The following NR1H4 variants were observed in gnomAD, a reference collection of about 807,000 sequenced individuals.
The protein encoded by NR1H4 is nuclear receptor subfamily 1 group H member 4.
A neutral mutation model predicts 58.5 loss-of-function variants in NR1H4; 23 were observed. The ratio of observed to expected loss-of-function variants is 0.39; its 90% CI spans 0.28 to 0.56. The LOEUF (loss-of-function observed/expected upper bound fraction) is 0.56. NR1H4 is among the 20% of genes least tolerant of loss of function. NR1H4 has a pLI of 0.58. For missense variants in NR1H4, 487 were observed against 576.9 expected, an observed-to-expected ratio of 0.84 and a Z score of 1.60; for synonymous variants, 214 against 198.0, an observed-to-expected ratio of 1.08 and a Z score of -0.68.
chr12:100,543,943 C>T lies in NR1H4; in HGVS notation c.1078+3125C>T, dbSNP rs192511215. ...TGATTCTGGCTTCCATGGACTGTGG[C>T]GGTGCTCCCTTTAAGAAAATCCCAG... On this transcript the variant is annotated intron_variant, in intron 9 of 10. Transcript: ENST00000392986. Among the ~76,000 whole-genome samples the T allele has an allele frequency of 2.2e-4, 34 of 152,174 alleles. No individual in the cohort carries two copies. The East Asian group carries it at 4.6e-3, about 21-fold the overall frequency.
At chr12:100,482,963 G>A (rs1953413238) in intron 1 of NR1H4, among the ~76,000 whole-genome samples, 1 of 152,222 alleles carries the variant, frequency 6.6e-6, no homozygotes, top group East Asian at 1.9e-4. Context: ...GTGTCACTCT[G>A]TCACAAGACT....
intron 4 of NR1H4, among the ~76,000 whole-genome samples, chr12:100,529,801 G>T (rs1041445031): frequency 1.3e-5 from 2 of 152,080 alleles, no homozygotes; most frequent in African/African-American, 4.8e-5. Flanking sequence ...TCTTCGGGGC[G>T]CTTGACTTCT....
intron 9 of NR1H4, among the ~76,000 whole-genome samples, chr12:100,553,241 G>A (rs965511333): frequency 3.9e-5 from 6 of 152,046 alleles, no homozygotes; most frequent in Admixed American, 3.3e-4. Flanking sequence ...CTTGTGATCC[G>A]CCCGCCTTGG....
intron 1 of NR1H4, among the ~76,000 whole-genome samples, chr12:100,484,119 T>C (rs1310407039): frequency 2.0e-5 from 3 of 152,038 alleles, no homozygotes; most frequent in Non-Finnish European, 4.4e-5. Context: ...TACATAGATA[T>C]CCAACAAAGT....
rs1593071349 is a variant in NR1H4 at position 100,510,786 on chromosome 12, A to G, written c.88A>G (p.Thr30Ala). 5 of 1,613,924 alleles carry G rather than the reference A, an allele frequency of 3.1e-6. No homozygotes were observed. In the East Asian group the frequency reaches 1.1e-4, roughly 36 times the overall value. Reference protein sequence around the residue: ...SFSENLFGVLTEQVAGPLGQN... With the variant: ...SFSENLFGVLAEQVAGPLGQN... ...TTGTCACTTTTGTTCAGGTGTTTTAACAGAACAAGTGGCAGGTCCTCTGGG... is the reference window on the plus strand; with the variant it reads ...TTGTCACTTTTGTTCAGGTGTTTTAGCAGAACAAGTGGCAGGTCCTCTGGG... Residue 30 changes from threonine (T) to alanine (A), a missense_variant, in exon 4 of 11, where the codon ACA becomes GCA. Thr to Ala is a moderately conservative substitution (Grantham distance 58). Transcript: ENST00000392986.
intron 3 of NR1H4, among the ~76,000 whole-genome samples, chr12:100,499,373 C>T (rs1953783388): frequency 6.6e-6 from 1 of 152,194 alleles, no homozygotes; most frequent in African/African-American, 2.4e-5. Context: ...AATATTTTGT[C>T]ACTGCTATTT....
At chr12:100,518,319 A>G (rs1954318992) in intron 4 of NR1H4, among the ~76,000 whole-genome samples, 1 of 152,246 alleles carries the variant, frequency 6.6e-6, no homozygotes, top group Admixed American at 6.5e-5. Context: ...ATAGAAGTCT[A>G]CAAGGAAGTG....
rs1954748062 is a variant in NR1H4, at chr12:100,533,716, A to G, written c.598+1106A>G. Reference sequence around the variant, plus strand: ...CATGAAGCCACATATAGCAGTCTATAATATTTATGAACACAAACTCATCCA... The same window carrying G: ...CATGAAGCCACATATAGCAGTCTATGATATTTATGAACACAAACTCATCCA... On this transcript the variant is annotated intron_variant, in intron 5 of 10. Transcript: ENST00000392986. 3.3e-5 allele frequency among the ~76,000 whole-genome samples: 5 copies of G among 152,220 alleles called. No homozygotes were observed. In the South Asian group the frequency reaches 1.0e-3, roughly 32 times the overall value.
chr12:100,476,890 A>T (rs1016639920), intron 1 of NR1H4, among the ~76,000 whole-genome samples: 5 of 151,892 alleles, frequency 3.3e-5, no homozygotes, highest in African/African-American at 4.8e-5. Context: ...CCACCTCAAA[A>T]TTTTTTTTAA....
intron 4 of NR1H4, among the ~76,000 whole-genome samples, chr12:100,518,820 T>A: frequency 1.4e-5 from 2 of 139,434 alleles, no homozygotes; most frequent in Non-Finnish European, 1.5e-5. Context: ...TGAGATGGAC[T>A]CTCGCTCTGT....
intron 4 of NR1H4, among the ~76,000 whole-genome samples, chr12:100,516,648 G>C (rs1954274890): frequency 6.6e-6 from 1 of 152,090 alleles, no homozygotes; most frequent in Non-Finnish European, 1.5e-5. Flanking sequence ...TTACAGGCGT[G>C]AGCCACCGTG....
intron 3 of NR1H4, among the ~76,000 whole-genome samples, chr12:100,504,676 A>T (rs1017434452): frequency 6.6e-6 from 1 of 152,142 alleles, no homozygotes; most frequent in Non-Finnish European, 1.5e-5. Context: ...CAGGCACTAC[A>T]TTCTTTCAGC....
chr12:100,561,101 A>G (rs959527348), intron 9 of NR1H4, among the ~76,000 whole-genome samples: 3 of 152,230 alleles, frequency 2.0e-5, no homozygotes, highest in African/African-American at 7.2e-5. Flanking sequence ...ACCCTTTGAT[A>G]AGAACCCTGG....
chr12:100,529,684 A>C (rs183991317), intron 4 of NR1H4, among the ~76,000 whole-genome samples: 1 of 152,088 alleles, frequency 6.6e-6, no homozygotes, highest in East Asian at 1.9e-4. Context: ...CTAAAACCTT[A>C]CTTATTCTTC....
chr12:100,543,559 TTGTGTGTG>T lies in NR1H4; in HGVS notation c.1078+2763_1078+2770del, dbSNP rs60277729. Among the ~76,000 whole-genome samples the T allele has an allele frequency of 3.4e-3, 496 of 145,704 alleles. 4 individuals are homozygous for T. The highest frequency in any genetic ancestry group is 0.012 in the African/African-American group (464 of 40,010). ...AATATGGATTTTGGTTCTGGACAGA[TTGTGTGTG>T]TGTGTGTGTGTGTGTGTGTGTCCAG... On this transcript the variant is annotated intron_variant, in intron 9 of 10. Transcript: ENST00000392986.
chr12:100,508,784 C>T (rs1044364872), intron 3 of NR1H4, among the ~76,000 whole-genome samples: 34 of 152,086 alleles, frequency 2.2e-4, no homozygotes, highest in Non-Finnish European at 4.9e-4. Context: ...AAGAGCATTG[C>T]CAATTTGAAA....
At chr12:100,511,868 G>A (rs1954126460) in intron 4 of NR1H4, among the ~76,000 whole-genome samples, 1 of 152,096 alleles carries the variant, frequency 6.6e-6, no homozygotes, top group African/African-American at 2.4e-5. Context: ...GTTGCAGTGA[G>A]CCAAGATCGC....
intron 4 of NR1H4, among the ~76,000 whole-genome samples, chr12:100,515,602 T>C (rs1295946055): frequency 6.6e-6 from 1 of 152,216 alleles, no homozygotes; most frequent in Non-Finnish European, 1.5e-5. Context: ...TATTAGTTTT[T>C]TAAAGACTGG....
intron 1 of NR1H4, among the ~76,000 whole-genome samples, chr12:100,487,359 AG>A (rs909789540): frequency 6.6e-6 from 1 of 152,196 alleles, no homozygotes; most frequent in Non-Finnish European, 1.5e-5. Context: ...ATAACTTTTC[AG>A]AAAAACAGTG....
Sources: allele counts gnomAD v4.1 joint callset (sites outside exome capture counted in the v4.1 genomes callset), GRCh38; gene constraint gnomAD v4.1.1; transcripts MANE v1.5; gene names NCBI Gene and HGNC (gene_info 2026-07-23, HGNC 2026-07-21).